C19orf25: variants seen among roughly 807,000 people sequenced by gnomAD.
C19orf25 encodes the protein UPF0449 protein C19orf25.
In C19orf25, 1 loss-of-function variant was observed where a neutral mutation model predicts 3.1. The observed-to-expected ratio is 0.32, with a 90% confidence interval of 0.12 to 1.54. C19orf25 has a LOEUF of 1.54. Ranked by LOEUF, C19orf25 falls within the 40% of genes most tolerant of loss-of-function variation. C19orf25 has a pLI of 0.38. For missense variants in C19orf25, 196 were observed against 160.4 expected (o/e 1.22, Z -1.20); for synonymous variants, 91 against 74.3 (o/e 1.23, Z -1.16).
intron 2 of C19orf25, 64 bp from the exon 3 acceptor site, chr19:1,475,322 T>C: frequency 2.7e-6 from 4 of 1,455,302 alleles, no homozygotes; most frequent in Non-Finnish European, 3.7e-6. Flanking sequence ...CACCCCTCAC[T>C]ACTGCCCCCA....
At chr19:1,476,760 G>A (rs1225104222) in intron 2 of C19orf25, among the ~76,000 whole-genome samples, 2 of 152,086 alleles carry the variant, frequency 1.3e-5, no homozygotes, top group African/African-American at 2.4e-5. Flanking sequence ...AAGACCACAG[G>A]TGCATGCCAC....
In C19orf25 at chr19:1,478,835, G is replaced by A. The variant is rs773700013; in HGVS notation, c.69C>T (p.Ile23=). 1 of 1,596,524 alleles carries A rather than the reference G, an allele frequency of 6.3e-7. No individual in the cohort carries two copies. The highest frequency in any genetic ancestry group is 8.5e-7 in the Non-Finnish European group (1 of 1,172,882). ...CCGGCGCACCCCGCACATCCTCCAG[G>A]ATCTGCTCCACCGTGGGGGGCGCTG... is the stretch of plus-strand genomic sequence containing the variant. ...TRPAPPTVEQ[I]LEDVRGAPAE... The change falls in exon 2 of 3, where the codon ATC becomes ATT. Residue 23 remains isoleucine, a synonymous_variant. Transcript: ENST00000585675.
At chr19:1,477,836 T>G (rs1193472119) in intron 2 of C19orf25, among the ~76,000 whole-genome samples, 1 of 152,184 alleles carries the variant, frequency 6.6e-6, no homozygotes, top group Non-Finnish European at 1.5e-5. Context: ...TTATTTCTAT[T>G]TATTAATTAT....
intron 2 of C19orf25, chr19:1,476,236 C>T (rs940241838): frequency 1.8e-5 from 7 of 398,642 alleles, no homozygotes; most frequent in South Asian, 1.3e-4. Flanking sequence ...TGGTCTCCCA[C>T]GGACGAAGGC....
Position 1,475,032 on chromosome 19 carries a change from T to C in C19orf25, c.357A>G (p.Ter119TrpextTer124), listed in dbSNP as rs774139670. 41 of 1,583,648 alleles carry C rather than the reference T, an allele frequency of 2.6e-5. No individual in the cohort carries two copies. The highest frequency in any genetic ancestry group is 3.3e-5 in the Non-Finnish European group (39 of 1,168,192). ...GCCCAAGCCTGCAGGCCCCGAGAGG[T>C]CAGCCTGAGGAGGCAGCCTCGGCTG... ...LPAAEAASSG[*>W] The change falls in exon 3 of 3, where the codon TGA (stop) becomes TGG (tryptophan). Residue 119 changes from the stop codon to tryptophan, a stop_lost. Coordinates refer to ENST00000585675, the MANE Select transcript of C19orf25 (RefSeq NM_152482.3).
chr19:1,475,347 C>A, intron 2 of C19orf25, 89 bp from the exon 3 acceptor site: 2 of 1,330,702 alleles, frequency 1.5e-6, no homozygotes, highest in South Asian at 2.9e-5. Context: ...GCAGGGTTCC[C>A]TGCAGTCCCC....
chr19:1,478,913 C>G lies in C19orf25; in HGVS notation c.-2-8G>C. ...TTGCCTTGGAGCCCATCTCTGAAGG[C>G]GGGGAAGGGGGCGCTGACCGGGGCG... On this transcript the variant is annotated splice_polypyrimidine_tract_variant and splice_region_variant and intron_variant, in intron 1 of 2. Coordinates refer to ENST00000585675, the MANE Select transcript of C19orf25 (RefSeq NM_152482.3). 1 of 1,584,294 alleles carries G rather than the reference C, an allele frequency of 6.3e-7. No homozygotes were observed. Among genetic ancestry groups the G allele is most frequent in the Non-Finnish European group, 8.6e-7 (1 of 1,168,676 alleles).
chr19:1,478,410 CTGTTTT>C, intron 2 of C19orf25: 1 of 453,552 alleles, frequency 2.2e-6, no homozygotes, highest in Non-Finnish European at 3.7e-6. Flanking sequence ...CCAGCTAACT[CTGTTTT>C]GTTTTTGTTT....
At chr19:1,476,770 C>T (rs2084209590) in intron 2 of C19orf25, among the ~76,000 whole-genome samples, 1 of 152,170 alleles carries the variant, frequency 6.6e-6, no homozygotes, top group East Asian at 1.9e-4. Flanking sequence ...GTGCATGCCA[C>T]CACACCCAGC....
At chr19:1,478,298 T>C in intron 2 of C19orf25, 1 of 197,248 alleles carries the variant, frequency 5.1e-6, no homozygotes, top group South Asian at 1.5e-4. Context: ...TGGAGTGCAG[T>C]GGTGCGATCT....
Position 1,475,252 on chromosome 19 carries a change from G to A in C19orf25, c.137C>T (p.Pro46Leu), listed in dbSNP as rs1191836729. ...ATCCTCCATCATCCTGAAGGGAACT[G>A]GGGGGTCTGAGACAGGACACAGCAG... ...VFTILAPEDP[P>L]VPFRMMEDAE... Residue 46 changes from proline (P) to leucine (L), a missense_variant, in exon 3 of 3, where the codon CCA becomes CTA. Physicochemically the swap from Pro to Leu is moderately conservative, Grantham distance 98 (BLOSUM62 -3). Coordinates refer to ENST00000585675, the MANE Select transcript of C19orf25 (RefSeq NM_152482.3). 3 of 1,550,450 alleles carry A rather than the reference G, an allele frequency of 1.9e-6. No individual in the cohort carries two copies. The highest frequency in any genetic ancestry group is 2.4e-5 in the East Asian group (1 of 41,084).
Position 1,479,214 on chromosome 19 carries a change from C to G in C19orf25, c.-54G>C, listed in dbSNP as rs912876037. 2.4e-6 allele frequency: 3 copies of G among 1,228,102 alleles called. No individual in the cohort carries two copies. Among genetic ancestry groups the G allele is most frequent in the African/African-American group, 3.2e-5 (2 of 63,132 alleles). The allele number at this position is 1,228,102 out of a possible 1,614,324, so 76.1% of individuals were successfully genotyped here. A position where few individuals can be genotyped will look rare whatever the true frequency, so the allele number is the denominator to read the frequency against. On this transcript the variant is annotated 5_prime_UTR_variant, in exon 1 of 3. Transcript: ENST00000585675. Reference sequence around the variant, plus strand: ...GTCGACGACGCAGCCACTTCCGATTCCGGTCGGAGCACCGCCCCGTCCCCG... The same window carrying G: ...GTCGACGACGCAGCCACTTCCGATTGCGGTCGGAGCACCGCCCCGTCCCCG...
At chr19:1,475,669 A>G (rs1003084050) in intron 2 of C19orf25, 6 of 187,096 alleles carry the variant, frequency 3.2e-5, no homozygotes, top group Non-Finnish European at 1.1e-5. Flanking sequence ...AGCCTGGGTG[A>G]CAGAATGAGA....
intron 2 of C19orf25, chr19:1,476,027 A>G: frequency 2.5e-6 from 1 of 395,480 alleles, no homozygotes. Flanking sequence ...TGGAGCACAC[A>G]CTTAGGGAGG....
intron 2 of C19orf25, among the ~76,000 whole-genome samples, chr19:1,478,032 G>T (rs1599179267): frequency 6.6e-6 from 1 of 152,046 alleles, no homozygotes; most frequent in Admixed American, 6.6e-5. Context: ...TAGAGACAAG[G>T]TTCCACCATG....
rs924141380 is a variant in C19orf25 at position 1,479,166 on chromosome 19, G to T, written c.-6C>A. On this transcript the variant is annotated 5_prime_UTR_variant, in exon 1 of 3. Coordinates refer to ENST00000585675, the MANE Select transcript of C19orf25 (RefSeq NM_152482.3). ...CCAGTCGCCGGCCTCTTCCCACCTG[G>T]GCGCGGGACCCGAAAGCCCAGCGTC... is the stretch of plus-strand genomic sequence containing the variant. 7.8e-7 allele frequency: 1 copy of T among 1,280,472 alleles called. No homozygotes were observed. Among genetic ancestry groups the T allele is most frequent in the African/African-American group, 1.6e-5 (1 of 64,314 alleles). The allele number at this position is 1,280,472 out of a possible 1,614,324, so 79.3% of individuals were successfully genotyped here.
intron 2 of C19orf25, chr19:1,476,523 G>A (rs896400747): frequency 7.9e-6 from 3 of 381,690 alleles, no homozygotes; most frequent in Non-Finnish European, 1.4e-5. Flanking sequence ...ACCAGTACCG[G>A]CCCACAGAAC....
rs1312639677 is a variant in C19orf25 at position 1,473,491 on chromosome 19, C to G, written c.*1541G>C. On this transcript the variant is annotated 3_prime_UTR_variant, in exon 3 of 3. Coordinates refer to ENST00000585675, the MANE Select transcript of C19orf25 (RefSeq NM_152482.3). Reference sequence around the variant, plus strand: ...TCCAGGGGGTGCACAGCACCCCAGACAGGGGGTCCAACCTGGGCATTGGTA... The same window carrying G: ...TCCAGGGGGTGCACAGCACCCCAGAGAGGGGGTCCAACCTGGGCATTGGTA... The G allele has an allele frequency of 6.6e-6, 1 of 152,294 alleles. No individual in the cohort carries two copies. Among genetic ancestry groups the G allele is most frequent in the African/African-American group, 2.4e-5 (1 of 41,462 alleles). The allele number at this position is 152,294 out of a possible 1,614,324, so 9.4% of individuals were successfully genotyped here.
Position 1,474,157 on chromosome 19 carries a change from CCATT to C in C19orf25, c.*871_*874del, listed in dbSNP as rs1400551761. 13 of 152,270 alleles carry C rather than the reference CCATT, an allele frequency of 8.5e-5. No homozygotes were observed. Among genetic ancestry groups the C allele is most frequent in the Non-Finnish European group, 1.8e-4 (12 of 68,104 alleles). 9.4% of individuals were successfully genotyped at this position (152,270 alleles called of 1,614,324 possible). A position where few individuals can be genotyped will look rare whatever the true frequency, so the allele number is the denominator to read the frequency against. On this transcript the variant is annotated 3_prime_UTR_variant, in exon 3 of 3. Transcript: ENST00000585675. Reference sequence around the variant, plus strand: ...CGGGACGGAGCCGCTCACAGAGGCACCATTCAGACGGCCAGACACACACGAAAGC... The same window carrying C: ...CGGGACGGAGCCGCTCACAGAGGCACCAGACGGCCAGACACACACGAAAGC...
Sources: gnomAD v4.1 joint callset for allele counts (sites outside exome capture counted in the v4.1 genomes callset) on GRCh38, gnomAD v4.1.1 for gene constraint, MANE v1.5 for transcripts, NCBI Gene and HGNC (gene_info 2026-07-23, HGNC 2026-07-21) for gene names.